The following DGKB variants were observed in gnomAD, a reference collection of about 807,000 sequenced individuals.
The protein encoded by DGKB is 90 kDa diacylglycerol kinase.
In DGKB, 67 loss-of-function variants were observed where a neutral mutation model predicts 114.3. The observed-to-expected ratio is 0.59, with a 90% CI of 0.48 to 0.72. The LOEUF is 0.72. DGKB is among the 30% of genes least tolerant of loss of function. DGKB has a pLI of 0.00. For missense variants in DGKB, 907 were observed against 975.2 expected (o/e 0.93, Z 0.93); for synonymous variants, 398 against 323.1 (o/e 1.23, Z -2.49).
At chr7:14,415,536 T>C (rs1825580036) in intron 21 of DGKB, among the ~76,000 whole-genome samples, 6 of 151,864 alleles carry the variant, frequency 4.0e-5, no homozygotes, top group Admixed American at 3.3e-4. Context: ...TTTTTTGTTC[T>C]TGCGATAGTT....
At chr7:14,660,091 T>C (rs1195155797) in intron 13 of DGKB, among the ~76,000 whole-genome samples, 3 of 151,222 alleles carry the variant, frequency 2.0e-5, no homozygotes, top group Non-Finnish European at 2.9e-5. Flanking sequence ...GCCCACATGA[T>C]CATGGTGGAT....
At chr7:14,944,814 G>GA (rs35643032) in intron 1 of DGKB, among the ~76,000 whole-genome samples, 82,798 of 150,930 alleles carry the variant, frequency 0.55, 24,682 homozygotes, top group East Asian at 0.88. Flanking sequence ...AAGACTGATG[G>GA]AAAAAAAATG....
At chr7:14,814,771 TTTTC>T (rs142191351) in intron 2 of DGKB, among the ~76,000 whole-genome samples, 16,079 of 152,062 alleles carry the variant, frequency 0.11, 864 homozygotes, top group South Asian at 0.14. Context: ...CTTGTAAATG[TTTTC>T]TTTATCCTTC....
chr7:14,589,964 T>C (rs1443174535), intron 17 of DGKB, among the ~76,000 whole-genome samples: 1 of 150,534 alleles, frequency 6.6e-6, no homozygotes, highest in African/African-American at 2.4e-5. Context: ...GTATAATTAT[T>C]GAAGTTCTTT....
chr7:14,513,359 A>T (rs955759961), intron 20 of DGKB, among the ~76,000 whole-genome samples: 1 of 151,978 alleles, frequency 6.6e-6, no homozygotes, highest in Non-Finnish European at 1.5e-5. Context: ...TATTTATGTA[A>T]ACAGCTTAAC....
intron 1 of DGKB, among the ~76,000 whole-genome samples, chr7:14,859,200 G>A (rs1039696115): frequency 1.3e-5 from 2 of 152,016 alleles, no homozygotes; most frequent in African/African-American, 4.8e-5. Context: ...GGGTGTGGGT[G>A]GATGTTGGAA....
At chr7:14,767,746 T>C (rs751602071) in intron 2 of DGKB, among the ~76,000 whole-genome samples, 35 of 152,092 alleles carry the variant, frequency 2.3e-4, no homozygotes, top group Middle Eastern at 3.4e-3. Flanking sequence ...TTTATGTGTG[T>C]AAATCAAAAT....
At chr7:14,696,471 C>T (rs563943907) in intron 8 of DGKB, among the ~76,000 whole-genome samples, 2 of 129,372 alleles carry the variant, frequency 1.5e-5, no homozygotes, top group Admixed American at 9.4e-5. Context: ...GTCCGCAGTC[C>T]GGCCTGGGCG....
intron 25 of DGKB, among the ~76,000 whole-genome samples, chr7:14,151,834 T>C (rs1782254586): frequency 2.0e-5 from 3 of 152,166 alleles, no homozygotes; most frequent in South Asian, 4.1e-4. Flanking sequence ...ATGCCTATTA[T>C]GAATGCTGTC....
intron 1 of DGKB, among the ~76,000 whole-genome samples, chr7:14,848,668 ACTT>A (rs909353630): frequency 2.5e-4 from 38 of 152,334 alleles, no homozygotes; most frequent in African/African-American, 8.4e-4. Flanking sequence ...TAGAGCCTGT[ACTT>A]CTTCTTGTCT....
chr7:14,297,895 T>C (rs1359171039), intron 23 of DGKB, among the ~76,000 whole-genome samples: 1 of 152,094 alleles, frequency 6.6e-6, no homozygotes, highest in African/African-American at 2.4e-5. Flanking sequence ...ATCACAAGCT[T>C]TCCTATACAC....
At chr7:14,275,236 C>A (rs1798829664) in intron 23 of DGKB, among the ~76,000 whole-genome samples, 1 of 152,124 alleles carries the variant, frequency 6.6e-6, no homozygotes, top group African/African-American at 2.4e-5. Flanking sequence ...CATATCTTCT[C>A]ATCTTAAGGC....
intron 1 of DGKB, among the ~76,000 whole-genome samples, chr7:14,863,636 A>G (rs1397012890): frequency 6.6e-6 from 1 of 152,122 alleles, no homozygotes; most frequent in African/African-American, 2.4e-5. Context: ...GTAATTGACA[A>G]ATAATAATTG....
chr7:14,273,407 G>A (rs1021745415), intron 23 of DGKB, among the ~76,000 whole-genome samples: 3 of 152,030 alleles, frequency 2.0e-5, no homozygotes, highest in African/African-American at 7.2e-5. Flanking sequence ...CAGGATACAT[G>A]ATAATATGTT....
intron 23 of DGKB, among the ~76,000 whole-genome samples, chr7:14,305,274 A>T (rs973434454): frequency 6.6e-6 from 1 of 151,980 alleles, no homozygotes; most frequent in African/African-American, 2.4e-5. Flanking sequence ...CCTCTTTTTG[A>T]CCCCTTCTCT....
At chr7:14,972,341 A>C (rs1365421911) in intron 1 of DGKB, among the ~76,000 whole-genome samples, 2 of 152,120 alleles carry the variant, frequency 1.3e-5, no homozygotes, top group Non-Finnish European at 2.9e-5. Flanking sequence ...TGGACTAAAT[A>C]ATTTTGTGAC....
chr7:14,517,557 A>G (rs1174158935), intron 20 of DGKB, among the ~76,000 whole-genome samples: 1 of 152,134 alleles, frequency 6.6e-6, no homozygotes, highest in African/African-American at 2.4e-5. Context: ...TTTGTAAACT[A>G]TGCATCTGAA....
chr7:14,687,305 G>A (rs1821886014), intron 9 of DGKB, among the ~76,000 whole-genome samples: 1 of 152,088 alleles, frequency 6.6e-6, no homozygotes. Flanking sequence ...TACAATTCTT[G>A]ACATTGCTCA....
chr7:14,523,296 C>T (rs1790082675), intron 20 of DGKB, among the ~76,000 whole-genome samples: 2 of 152,134 alleles, frequency 1.3e-5, no homozygotes, highest in Admixed American at 1.3e-4. Flanking sequence ...ATGGAGACCA[C>T]CTATGAAAAG....
Sources: gnomAD v4.1 joint callset for allele counts (sites outside exome capture counted in the v4.1 genomes callset) on GRCh38, gnomAD v4.1.1 for gene constraint, MANE v1.5 for transcripts, NCBI Gene and HGNC (gene_info 2026-07-23, HGNC 2026-07-21) for gene names.